The following HYCC2 variants were observed in gnomAD, a reference collection of about 807,000 sequenced individuals.
HYCC2 encodes the protein hyccin PI4KA lipid kinase complex subunit 2, also known as hyccin 2.
At chr2:201,010,769 CTTA>C in the HYCC2 span, among the ~76,000 whole-genome samples, 3 of 150,882 alleles carry the variant, frequency 2.0e-5, no homozygotes, top group Non-Finnish European at 4.4e-5. Flanking sequence ...TATTTTTAAG[CTTA>C]TTATTTAAAA....
At chr2:201,040,718 C>T in the HYCC2 span, among the ~76,000 whole-genome samples, 9 of 152,052 alleles carry the variant, frequency 5.9e-5, no homozygotes, top group Non-Finnish European at 1.0e-4. Context: ...CTCCTGACCT[C>T]AAGTGATCCA....
chr2:201,057,740 T>C, the HYCC2 span, among the ~76,000 whole-genome samples: 1 of 151,964 alleles, frequency 6.6e-6, no homozygotes, highest in Non-Finnish European at 1.5e-5. Flanking sequence ...AAAAAAAACT[T>C]AGGCCTGGTT....
chr2:201,001,314 G>A, the HYCC2 span, among the ~76,000 whole-genome samples: 1 of 152,036 alleles, frequency 6.6e-6, no homozygotes, highest in Non-Finnish European at 1.5e-5. Context: ...GCAGAACTGT[G>A]AGCAATACAT....
chr2:200,997,767 G>A, the HYCC2 span, among the ~76,000 whole-genome samples: 25 of 152,194 alleles, frequency 1.6e-4, no homozygotes, highest in Non-Finnish European at 2.8e-4. Flanking sequence ...GCCAGGTGCA[G>A]GGGCTCATGC....
chr2:200,986,797 T>C, the HYCC2 span, among the ~76,000 whole-genome samples: 2 of 152,186 alleles, frequency 1.3e-5, no homozygotes, highest in Non-Finnish European at 2.9e-5. Context: ...CAACTTAATC[T>C]ACAGATGATA....
chr2:201,036,822 T>C, the HYCC2 span, among the ~76,000 whole-genome samples: 5 of 152,224 alleles, frequency 3.3e-5, no homozygotes, highest in Non-Finnish European at 5.9e-5. Flanking sequence ...AGCATTCCCT[T>C]TGAAAACTGG....
At chr2:201,007,634 T>C in the HYCC2 span, among the ~76,000 whole-genome samples, 1 of 152,284 alleles carries the variant, frequency 6.6e-6, no homozygotes, top group South Asian at 2.1e-4. Context: ...GAGTCTTTGT[T>C]TAGGGCCGAG....
At chr2:201,042,569 G>A in the HYCC2 span, among the ~76,000 whole-genome samples, 2 of 148,986 alleles carry the variant, frequency 1.3e-5, no homozygotes, top group Admixed American at 6.7e-5. Flanking sequence ...CTGACCAGCC[G>A]CCCCGTCTGA....
the HYCC2 span, among the ~76,000 whole-genome samples, chr2:201,009,945 T>G: frequency 1.3e-5 from 2 of 151,176 alleles, no homozygotes; most frequent in African/African-American, 4.9e-5. Flanking sequence ...GCACTAAAAA[T>G]ACAAAAAAAT....
the HYCC2 span, among the ~76,000 whole-genome samples, chr2:201,004,911 G>A: frequency 6.6e-6 from 1 of 151,860 alleles, no homozygotes; most frequent in African/African-American, 2.4e-5. Context: ...CAGCTACTTG[G>A]GAGCCTGAGG....
At chr2:201,032,027 T>C in the HYCC2 span, among the ~76,000 whole-genome samples, 2 of 152,122 alleles carry the variant, frequency 1.3e-5, no homozygotes, top group African/African-American at 2.4e-5. Flanking sequence ...AGTGGCACAA[T>C]CTCGATCACT....
chr2:201,049,336 G>C, the HYCC2 span, among the ~76,000 whole-genome samples: 2 of 151,888 alleles, frequency 1.3e-5, no homozygotes. Flanking sequence ...TACACAATTT[G>C]AATTCTTTTC....
chr2:201,023,065 T>C, the HYCC2 span: 2 of 607,104 alleles, frequency 3.3e-6, no homozygotes, highest in Admixed American at 3.2e-5. Context: ...TATAAAGAAA[T>C]AGGCTGGGCA....
At chr2:201,065,489 T>C in the HYCC2 span, among the ~76,000 whole-genome samples, 1 of 152,232 alleles carries the variant, frequency 6.6e-6, no homozygotes, top group Non-Finnish European at 1.5e-5. Flanking sequence ...TAACTCTATT[T>C]CTAAAGATAA....
the HYCC2 span, among the ~76,000 whole-genome samples, chr2:201,065,891 A>T: frequency 2.6e-5 from 4 of 152,204 alleles, no homozygotes; most frequent in Non-Finnish European, 4.4e-5. Flanking sequence ...ATGCTAATTA[A>T]ATAAAAAAAT....
the HYCC2 span, among the ~76,000 whole-genome samples, chr2:200,983,572 T>C: frequency 6.6e-6 from 1 of 152,208 alleles, no homozygotes; most frequent in Non-Finnish European, 1.5e-5. Context: ...CTAAGAACAG[T>C]AGCAGCTGAC....
At chr2:201,016,321 C>T in the HYCC2 span, among the ~76,000 whole-genome samples, 248 of 152,306 alleles carry the variant, frequency 1.6e-3, 5 homozygotes, top group Admixed American at 0.013. Context: ...CAGGGTCTTG[C>T]TCTCTTGCCC....
chr2:201,048,864 C>A, the HYCC2 span, among the ~76,000 whole-genome samples: 3 of 152,076 alleles, frequency 2.0e-5, no homozygotes, highest in African/African-American at 7.2e-5. Context: ...CATGGCGGCT[C>A]AAGCCTATGA....
the HYCC2 span, chr2:201,067,304 AT>A: frequency 6.5e-6 from 1 of 152,928 alleles, no homozygotes; most frequent in Non-Finnish European, 1.5e-5. Flanking sequence ...AAGGTGATGG[AT>A]AAATTTGATT....
Sources: allele counts gnomAD v4.1 joint callset (sites outside exome capture counted in the v4.1 genomes callset), GRCh38; gene constraint gnomAD v4.1.1; transcripts MANE v1.5; gene names NCBI Gene and HGNC (gene_info 2026-07-23, HGNC 2026-07-21).